Variants in IWS1 observed in about 807,000 individuals in gnomAD.
IWS1 encodes interacts with SUPT6H, CTD assembly factor 1, also known as protein IWS1 homolog.
A neutral mutation model predicts 86.7 loss-of-function variants in IWS1; 27 were observed. The observed-to-expected ratio is 0.31, with a 90% CI of 0.23 to 0.43. The LOEUF (loss-of-function observed/expected upper bound fraction) is 0.43. IWS1 is among the 20% of genes least tolerant of loss of function. The probability of loss-of-function intolerance (pLI) is 1.00; values close to 1 mark genes in which losing one functional copy is unlikely to be tolerated. For synonymous variants in IWS1, 313 were observed against 335.1 expected (o/e 0.93, Z 0.72); for missense variants, 827 against 1,000.8 (o/e 0.83, Z 2.34).
chr2:127,491,931 T>C (rs746643187), intron 10 of IWS1, 40 bp downstream of exon 10: 4 of 1,173,222 alleles, frequency 3.4e-6, no homozygotes. Flanking sequence ...CTCTTATCTA[T>C]ACACATAAAC....
chr2:127,482,308 C>T (rs1230489358), intron 13 of IWS1: 1 of 152,172 alleles, frequency 6.6e-6, no homozygotes, highest in Non-Finnish European at 1.5e-5. Flanking sequence ...GAGCACTAGG[C>T]AAGGAACTCT....
Position 127,499,439 on chromosome 2 carries a change from T to C in IWS1, c.1468-1202A>G, listed in dbSNP as rs1463801674. Reference sequence around the variant, plus strand: ...AATGGCCTGTCTTTTCTTTATAGTGTCTACCTTTTGTGTTATACTTAGAGG... The same window carrying C: ...AATGGCCTGTCTTTTCTTTATAGTGCCTACCTTTTGTGTTATACTTAGAGG... On this transcript the variant is annotated intron_variant, in intron 5 of 13. Transcript: ENST00000295321. This position sits in a 1 kb window ranked among gnomAD's most constrained non-coding sequence, Gnocchi z 4.0. Among the ~76,000 whole-genome samples the C allele has an allele frequency of 6.6e-6, 1 of 152,230 alleles. No homozygotes were observed. Among genetic ancestry groups the C allele is most frequent in the African/African-American group, 2.4e-5 (1 of 41,454 alleles).
At chr2:127,507,476 G>A (rs1471998771) in intron 2 of IWS1, among the ~76,000 whole-genome samples, 1 of 152,104 alleles carries the variant, frequency 6.6e-6, no homozygotes, top group Non-Finnish European at 1.5e-5. Flanking sequence ...ACACAGTACT[G>A]TATTAGATTC....
intron 2 of IWS1, among the ~76,000 whole-genome samples, chr2:127,512,381 T>C (rs892273125): frequency 6.6e-6 from 1 of 152,260 alleles, no homozygotes; most frequent in African/African-American, 2.4e-5. Context: ...ATTAAAAAGT[T>C]ACATTTCCAG....
At chr2:127,481,424 G>A (rs796907855) in intron 13 of IWS1, among the ~76,000 whole-genome samples, 4 of 151,798 alleles carry the variant, frequency 2.6e-5, no homozygotes, top group African/African-American at 7.3e-5. Flanking sequence ...GTCCATGGAG[G>A]TCTCCTAGAT....
At position 127,494,940 on chromosome 2, in the gene IWS1, C is replaced by CAAAAA; in HGVS notation, c.1730_1731insTTTTT (p.Leu577PhefsTer3). 1 of 1,594,716 alleles carries CAAAAA rather than the reference C, an allele frequency of 6.3e-7. No homozygotes were observed. The highest frequency in any genetic ancestry group is 8.6e-7 in the Non-Finnish European group (1 of 1,168,820). ...TCAGTGCTGGCTTTTTTTGATTGTT[C>CAAAAA]AACTGTCTGTCTTCCTATTCAGAAA... is the stretch of plus-strand genomic sequence containing the variant. On this transcript the variant is annotated frameshift_variant, in exon 8 of 14. Coordinates refer to ENST00000295321, the MANE Select transcript of IWS1 (RefSeq NM_017969.3). LOFTEE classifies it high-confidence loss of function.
At chr2:127,495,281 AG>A (rs1445036208) in intron 7 of IWS1, among the ~76,000 whole-genome samples, 1 of 152,240 alleles carries the variant, frequency 6.6e-6, no homozygotes, top group African/African-American at 2.4e-5. Flanking sequence ...TTATTATATT[AG>A]GAACAATTTT....
intron 2 of IWS1, chr2:127,506,734 G>C (rs570267524): frequency 1.2e-5 from 2 of 168,698 alleles, no homozygotes; most frequent in Non-Finnish European, 2.9e-5. Flanking sequence ...AAACAAGAAA[G>C]CTTAAGTTTT....
chr2:127,504,765 C>T lies in IWS1; in HGVS notation c.1138G>A (p.Asp380Asn). 4 of 1,614,098 alleles carry T rather than the reference C, an allele frequency of 2.5e-6. No homozygotes were observed. Among genetic ancestry groups the T allele is most frequent in the Non-Finnish European group, 3.4e-6 (4 of 1,180,002 alleles). The change falls in exon 3 of 14, where the codon GAT becomes AAT. Residue 380 changes from aspartate to asparagine, a missense_variant. By Grantham distance (23) the Asp-to-Asn change is conservative. Transcript: ENST00000295321. ...HKKQKMDSDE[D>N]EKEGEEEKVA... The stretch of plus-strand genomic sequence containing the variant: ...TTCTCCTCCTCACCCTCTTTTTCAT[C>T]TTCATCACTGTCCATTTTTTGCTTT...
rs752077949 is a variant in IWS1 at position 127,502,886 on chromosome 2, A to G, written c.1410-14T>C. 2 of 1,456,944 alleles carry G rather than the reference A, an allele frequency of 1.4e-6. No individual in the cohort carries two copies. The highest frequency in any genetic ancestry group is 4.5e-5 in the East Asian group (2 of 44,092). 90.3% of individuals were successfully genotyped at this position (1,456,944 alleles called of 1,614,324 possible). ...GCAATAAGATTTCTAGAAAGTAGACAAATGTAAAAACATTCATTTGCTTTA... is the reference window on the plus strand; with the variant it reads ...GCAATAAGATTTCTAGAAAGTAGACGAATGTAAAAACATTCATTTGCTTTA... On this transcript the variant is annotated splice_polypyrimidine_tract_variant and intron_variant, in intron 4 of 13. Coordinates refer to ENST00000295321, the MANE Select transcript of IWS1 (RefSeq NM_017969.3).
At position 127,489,473 on chromosome 2, in the gene IWS1, G is replaced by A. The variant is rs913364549; in HGVS notation, c.2160-238C>T. On this transcript the variant is annotated intron_variant, in intron 11 of 13. Coordinates refer to ENST00000295321, the MANE Select transcript of IWS1 (RefSeq NM_017969.3). The surrounding 1 kb of genome is among the most constrained non-coding windows in gnomAD (Gnocchi z 4.8). Reference sequence around the variant, plus strand: ...TGTAACTAATGACCCTGTCCTCCTGGATGCAACTGTATCCACTATTATCAA... The same window carrying A: ...TGTAACTAATGACCCTGTCCTCCTGAATGCAACTGTATCCACTATTATCAA... 3.7e-6 allele frequency: 2 copies of A among 543,192 alleles called. No homozygotes were observed. The highest frequency in any genetic ancestry group is 4.8e-4 in the Middle Eastern group (1 of 2,088). 33.6% of individuals were successfully genotyped at this position (543,192 alleles called of 1,614,324 possible). A position where few individuals can be genotyped will look rare whatever the true frequency, so the allele number is the denominator to read the frequency against.
intron 2 of IWS1, among the ~76,000 whole-genome samples, chr2:127,515,489 C>T (rs924443322): frequency 6.6e-6 from 1 of 152,144 alleles, no homozygotes; most frequent in Non-Finnish European, 1.5e-5. Flanking sequence ...GGGCCCAATA[C>T]AGATTGCGCT....
At chr2:127,486,750 T>C (rs1230052227) in intron 12 of IWS1, 86 bp from the exon 13 acceptor site, 2 of 1,007,620 alleles carry the variant, frequency 2.0e-6, no homozygotes, top group Non-Finnish European at 3.1e-6. Context: ...TGTTCCTACA[T>C]CCACCCATTA....
Position 127,481,094 on chromosome 2 carries a change from A to C in IWS1, c.2410T>G (p.Ser804Ala). 1.2e-6 allele frequency: 2 copies of C among 1,612,414 alleles called. No homozygotes were observed. Among genetic ancestry groups the C allele is most frequent in the Non-Finnish European group, 1.7e-6 (2 of 1,179,534 alleles). ...KFTDIRKKSR[S>A]AHAVKISIEG... is the part of the protein sequence containing the mutation. ...ATGCTGATTTTCACTGCGTGTGCAG[A>C]TCTGCTTTTTTTCCTTATATCTGTG... The change falls in exon 14 of 14, where the codon TCT (serine) becomes GCT (alanine). Residue 804 changes from serine to alanine, a missense_variant. By Grantham distance (99) the Ser-to-Ala change is moderately conservative. Transcript: ENST00000295321.
Position 127,526,435 on chromosome 2 carries a change from C to G in IWS1, c.-227G>C, listed in dbSNP as rs1354929187. ...CCCGGCAGGCTGGCGGGCGGGCAGG[C>G]ATGCGAGCCGGCGTTCTACTTCCTA... On this transcript the variant is annotated 5_prime_UTR_variant, in exon 1 of 14. The change abolishes an upstream ATG in the 5' untranslated region. Coordinates refer to ENST00000295321, the MANE Select transcript of IWS1 (RefSeq NM_017969.3). The G allele has an allele frequency of 1.3e-6, 2 of 1,535,062 alleles. No individual in the cohort carries two copies. The highest frequency in any genetic ancestry group is 2.0e-5 in the Admixed American group (1 of 50,796).
At chr2:127,507,974 A>G (rs933883836) in intron 2 of IWS1, among the ~76,000 whole-genome samples, 14 of 152,256 alleles carry the variant, frequency 9.2e-5, no homozygotes, top group African/African-American at 2.4e-5. Context: ...CTTGGGTTCC[A>G]TCGCCAAAAT....
chr2:127,524,591 T>C (rs1455673538), intron 1 of IWS1, among the ~76,000 whole-genome samples: 7 of 151,494 alleles, frequency 4.6e-5, no homozygotes, highest in African/African-American at 1.7e-4. Context: ...CAGGCTGGAG[T>C]GCAATGGTGT....
intron 12 of IWS1, among the ~76,000 whole-genome samples, chr2:127,488,536 C>T (rs372154782): frequency 6.6e-6 from 1 of 152,200 alleles, no homozygotes; most frequent in Non-Finnish European, 1.5e-5. Context: ...TCTTCTCACC[C>T]CTCTGTTTCC....
chr2:127,484,070 G>A (rs1035724169), intron 13 of IWS1, among the ~76,000 whole-genome samples: 3 of 152,130 alleles, frequency 2.0e-5, no homozygotes, highest in Admixed American at 6.5e-5. Context: ...TTGGGAGGCC[G>A]AGGCGGGCAG....
Sources: allele counts gnomAD v4.1 joint callset (sites outside exome capture counted in the v4.1 genomes callset), GRCh38; gene constraint gnomAD v4.1.1; non-coding constraint Gnocchi (gnomAD v3.1); transcripts MANE v1.5; gene names NCBI Gene and HGNC (gene_info 2026-07-23, HGNC 2026-07-21).